HIRA: variants seen among roughly 807,000 people sequenced by gnomAD.
The protein encoded by HIRA is protein HIRA.
In HIRA, 13 loss-of-function variants were observed where a neutral mutation model predicts 126.6. The ratio of observed to expected loss-of-function variants is 0.10; its 90% CI spans 0.07 to 0.16. The LOEUF (loss-of-function observed/expected upper bound fraction) is 0.16. Among genes scored for constraint, HIRA ranks in the 10% least tolerant of loss-of-function variants. The pLI, the probability that HIRA is intolerant of heterozygous loss-of-function variation, is 1.00. For missense variants in HIRA, 834 were observed against 1,314.4 expected (o/e 0.63, Z 5.65); for synonymous variants, 511 against 520.0 (o/e 0.98, Z 0.24).
intron 13 of HIRA, among the ~76,000 whole-genome samples, chr22:19,381,812 C>G (rs1450554584): frequency 6.6e-6 from 1 of 152,170 alleles, no homozygotes; most frequent in Admixed American, 6.5e-5. Flanking sequence ...TCTCCATGCA[C>G]TAGAATATTT....
intron 18 of HIRA, 86 bp from the exon 19 acceptor site, chr22:19,357,137 G>A (rs1763558260): frequency 1.3e-6 from 2 of 1,506,400 alleles, no homozygotes; most frequent in Middle Eastern, 1.7e-4. Context: ...CCTTCCCTCT[G>A]CCTGGGCCCA....
chr22:19,345,530 G>C (rs1044863704), intron 24 of HIRA, among the ~76,000 whole-genome samples: 2 of 152,144 alleles, frequency 1.3e-5, no homozygotes, highest in Non-Finnish European at 2.9e-5. Flanking sequence ...ACCCAGGACT[G>C]GTTTTTTTTT....
chr22:19,426,342 C>T (rs1195348501), intron 1 of HIRA, among the ~76,000 whole-genome samples: 2 of 152,336 alleles, frequency 1.3e-5, no homozygotes, highest in South Asian at 2.1e-4. Context: ...CAGCCCCATT[C>T]TCCCTCTTGC....
intron 8 of HIRA, among the ~76,000 whole-genome samples, chr22:19,392,635 G>A (rs1213041618): frequency 6.6e-6 from 1 of 152,226 alleles, no homozygotes; most frequent in Non-Finnish European, 1.5e-5. Flanking sequence ...ATCTCCTAAG[G>A]GAGGCCAAGG....
chr22:19,376,901 C>G (rs904504990), intron 14 of HIRA, among the ~76,000 whole-genome samples: 4 of 152,118 alleles, frequency 2.6e-5, no homozygotes, highest in Non-Finnish European at 4.4e-5. Context: ...CAGGGAGTGG[C>G]CTATTTGGGG....
chr22:19,425,781 C>G (rs937147107), intron 1 of HIRA, among the ~76,000 whole-genome samples: 1 of 152,028 alleles, frequency 6.6e-6, no homozygotes, highest in Non-Finnish European at 1.5e-5. Flanking sequence ...GTCAGGAGTT[C>G]GAGAGCAGCC....
intron 1 of HIRA, among the ~76,000 whole-genome samples, chr22:19,428,313 A>C (rs909045995): frequency 4.6e-5 from 7 of 152,196 alleles, no homozygotes; most frequent in Admixed American, 2.0e-4. Context: ...TTTGGTTGAT[A>C]CAACTAGAAG....
chr22:19,365,038 C>G (rs567916644), intron 15 of HIRA, among the ~76,000 whole-genome samples: 1 of 152,292 alleles, frequency 6.6e-6, no homozygotes, highest in East Asian at 1.9e-4. Flanking sequence ...CACAACACTC[C>G]CTTAATCCAC....
intron 8 of HIRA, among the ~76,000 whole-genome samples, chr22:19,393,712 T>C (rs535354886): frequency 6.6e-6 from 1 of 152,330 alleles, no homozygotes; most frequent in East Asian, 1.9e-4. Context: ...ATCAGGGTCT[T>C]GGATGATCCT....
At chr22:19,383,779 T>C in intron 12 of HIRA, 74 bp from the exon 13 acceptor site, 1 of 1,191,252 alleles carries the variant, frequency 8.4e-7, no homozygotes, top group Non-Finnish European at 1.2e-6. Context: ...AAATAAAGTC[T>C]CTTTTTTTCC....
At chr22:19,371,929 T>C (rs2088969256) in intron 15 of HIRA, among the ~76,000 whole-genome samples, 3 of 152,248 alleles carry the variant, frequency 2.0e-5, no homozygotes, top group African/African-American at 7.2e-5. Context: ...TGAACATTCA[T>C]GTATGAGTTA....
At chr22:19,374,842 G>A (rs1364830574) in intron 15 of HIRA, among the ~76,000 whole-genome samples, 1 of 152,152 alleles carries the variant, frequency 6.6e-6, no homozygotes, top group African/African-American at 2.4e-5. Flanking sequence ...TATAAACCTC[G>A]CAGTGGGGTG....
rs372856421 is a variant in HIRA at position 19,351,327 on chromosome 22, T to C, written c.2937+31A>G. ...TCCACCTTCATGTTTCAAGAAAGAA[T>C]TCTTGCAGCAACAATGAAAGAAGCA... On this transcript the variant is annotated intron_variant, in intron 24 of 24. Coordinates refer to ENST00000263208, the MANE Select transcript of HIRA (RefSeq NM_003325.4). The surrounding 1 kb of genome is among the most constrained non-coding windows in gnomAD (Gnocchi z 4.8). 1.3e-6 allele frequency: 2 copies of C among 1,577,922 alleles called. No individual in the cohort carries two copies. The highest frequency in any genetic ancestry group is 1.7e-6 in the Non-Finnish European group (2 of 1,167,712).
intron 23 of HIRA, 42 bp downstream of exon 23, chr22:19,353,314 G>A (rs2088777007): frequency 6.2e-7 from 1 of 1,609,152 alleles, no homozygotes; most frequent in South Asian, 1.1e-5. Flanking sequence ...GAGGATGGAG[G>A]GGCAGAAGGA....
At chr22:19,344,702 C>T (rs2146177424) in intron 24 of HIRA, among the ~76,000 whole-genome samples, 1 of 152,248 alleles carries the variant, frequency 6.6e-6, no homozygotes, top group Non-Finnish European at 1.5e-5. Flanking sequence ...AGATCAATAT[C>T]CTTTGTAAAC....
At chr22:19,425,887 T>C (rs2146260925) in intron 1 of HIRA, among the ~76,000 whole-genome samples, 1 of 152,330 alleles carries the variant, frequency 6.6e-6, no homozygotes, top group South Asian at 2.1e-4. Flanking sequence ...GGCATGTGCC[T>C]GTAATCCCAG....
At chr22:19,426,165 C>T (rs958533810) in intron 1 of HIRA, among the ~76,000 whole-genome samples, 1 of 152,226 alleles carries the variant, frequency 6.6e-6, no homozygotes, top group South Asian at 2.1e-4. Flanking sequence ...CCTGTGATCT[C>T]CCTGTCTCCC....
Position 19,368,848 on chromosome 22 carries a change from C to T in HIRA, c.1775+6783G>A, listed in dbSNP as rs562126498. Among the ~76,000 whole-genome samples, 6 of 152,238 alleles carry T rather than the reference C, an allele frequency of 3.9e-5. No individual in the cohort carries two copies. In the East Asian group the frequency reaches 5.8e-4, roughly 15 times the overall value. On this transcript the variant is annotated intron_variant, in intron 15 of 24. Transcript: ENST00000263208. ...ATGACATACACTTGCTTGGCACTGC[C>T]GAGCTCCAGCTGCTCCACCCTCTCT...
intron 16 of HIRA, 40 bp from the exon 17 acceptor site, chr22:19,361,381 C>T (rs2088862343): frequency 6.4e-7 from 1 of 1,556,770 alleles, no homozygotes; most frequent in African/African-American, 1.4e-5. Flanking sequence ...TGCTCTAACA[C>T]TACGGGGTAG....
Sources: gnomAD v4.1 joint callset for allele counts (sites outside exome capture counted in the v4.1 genomes callset) on GRCh38, gnomAD v4.1.1 for gene constraint, Gnocchi (gnomAD v3.1) non-coding constraint, MANE v1.5 for transcripts, NCBI Gene and HGNC (gene_info 2026-07-23, HGNC 2026-07-21) for gene names.